DAB1: variants seen among roughly 807,000 people sequenced by gnomAD.
DAB1 encodes DAB adaptor protein 1, also known as disabled homolog 1.
In DAB1, 15 loss-of-function variants were observed where a neutral mutation model predicts 64.6. The observed-to-expected ratio is 0.23, with a 90% CI of 0.16 to 0.36. The LOEUF is 0.36. DAB1 is among the 10% of genes least tolerant of loss of function. The pLI is 1.00. For synonymous variants in DAB1, 235 were observed against 251.9 expected (o/e 0.93, Z 0.64); for missense variants, 596 against 706.7 (o/e 0.84, Z 1.78).
intron 7 of DAB1, among the ~76,000 whole-genome samples, chr1:57,430,650 C>T (rs1685470451): frequency 6.6e-6 from 1 of 151,856 alleles, no homozygotes; most frequent in Non-Finnish European, 1.5e-5. Context: ...GTGCTGGGTA[C>T]AGTTAATACA....
intron 13 of DAB1, 152 bp from the exon 14 acceptor site, chr1:57,010,942 G>A (rs1237858907): frequency 1.7e-5 from 15 of 881,460 alleles, no homozygotes; most frequent in Non-Finnish European, 2.6e-5. Context: ...ATGTGGACTT[G>A]TAGTAACAAT....
At chr1:58,438,178 C>T (rs1404644775) in intron 3 of DAB1, among the ~76,000 whole-genome samples, 4 of 152,190 alleles carry the variant, frequency 2.6e-5, no homozygotes, top group Admixed American at 2.0e-4. Flanking sequence ...CCACTCTTTT[C>T]GTTCCAGCTA....
chr1:58,065,281 G>T (rs1323126697), intron 5 of DAB1, among the ~76,000 whole-genome samples: 2 of 152,108 alleles, frequency 1.3e-5, no homozygotes, highest in Non-Finnish European at 2.9e-5. Context: ...AATGCAGGGT[G>T]AATTTAACCA....
intron 6 of DAB1, among the ~76,000 whole-genome samples, chr1:57,762,494 T>C (rs1289883623): frequency 6.6e-6 from 1 of 152,130 alleles, no homozygotes; most frequent in East Asian, 1.9e-4. Context: ...TTTCTCCTGA[T>C]AGGAGCATTA....
chr1:57,220,730 A>G (rs912706436), intron 2 of DAB1, among the ~76,000 whole-genome samples: 1 of 152,222 alleles, frequency 6.6e-6, no homozygotes, highest in Non-Finnish European at 1.5e-5. Context: ...TAGAATGGCG[A>G]TCATTAAAAA....
chr1:58,049,854 T>C (rs980754849), intron 5 of DAB1, among the ~76,000 whole-genome samples: 12 of 151,674 alleles, frequency 7.9e-5, no homozygotes, highest in African/African-American at 2.7e-4. Flanking sequence ...GTGAACAAAA[T>C]AGAATCCACC....
At chr1:57,897,455 A>G (rs1644408016) in intron 5 of DAB1, among the ~76,000 whole-genome samples, 1 of 152,188 alleles carries the variant, frequency 6.6e-6, no homozygotes, top group Non-Finnish European at 1.5e-5. Context: ...TGATTTCACA[A>G]AATTTTCAGT....
rs565601801 is a variant in DAB1, at chr1:57,836,373, T to C, written n.88-9918A>G. ...CAAAGACTATTTTCAATATCTGGCA[T>C]GTCAAGTAAAATAACTTGACTCGAG... On this transcript the variant is annotated intron_variant and non_coding_transcript_variant, in intron 1 of 1. Coordinates refer to the DAB1 transcript ENST00000477280. Among the ~76,000 whole-genome samples, 6 of 152,354 alleles carry C rather than the reference T, an allele frequency of 3.9e-5. No individual in the cohort carries two copies. The South Asian group carries it at 1.2e-3, about 32-fold the overall frequency.
intron 3 of DAB1, among the ~76,000 whole-genome samples, chr1:58,429,627 G>A (rs1451700601): frequency 1.3e-5 from 2 of 152,176 alleles, no homozygotes; most frequent in African/African-American, 4.8e-5. Context: ...TGTGGAGGAA[G>A]TTTATAGATA....
intron 5 of DAB1, among the ~76,000 whole-genome samples, chr1:57,902,947 C>T (rs540712595): frequency 6.6e-6 from 1 of 152,154 alleles, no homozygotes; most frequent in Non-Finnish European, 1.5e-5. Flanking sequence ...GTTTAATGGA[C>T]TCACCATTCC....
intron 1 of DAB1, among the ~76,000 whole-genome samples, chr1:57,842,746 A>G (rs1444245262): frequency 2.6e-5 from 4 of 152,232 alleles, no homozygotes; most frequent in Non-Finnish European, 4.4e-5. Context: ...ATCCACTGGC[A>G]TGATCCAATC....
intron 1 of DAB1, among the ~76,000 whole-genome samples, chr1:57,391,853 T>A (rs1682402597): frequency 1.3e-5 from 2 of 151,612 alleles, no homozygotes; most frequent in East Asian, 3.9e-4. Context: ...AGCAATTTCA[T>A]GTTGCTGGAA....
At chr1:58,390,455 A>T (rs1023097334) in intron 3 of DAB1, among the ~76,000 whole-genome samples, 1 of 152,116 alleles carries the variant, frequency 6.6e-6, no homozygotes, top group African/African-American at 2.4e-5. Context: ...GCTGCTGTGG[A>T]CCTGTGTCTG....
rs1006878749 is a variant in DAB1, at chr1:57,079,492, G to A, written c.307-7078C>T. 1.2e-4 allele frequency among the ~76,000 whole-genome samples: 18 copies of A among 152,234 alleles called. 1 individual carries two copies. Among genetic ancestry groups the A allele is most frequent in the African/African-American group, 4.1e-4 (17 of 41,550 alleles). On this transcript the variant is annotated intron_variant, in intron 4 of 14. Transcript: ENST00000371236. ...ACTTATGCTGGCCTCTCCTCTGACA[G>A]TCACACCACAGGATGAAGAGATTGA... is the stretch of plus-strand genomic sequence containing the variant.
intron 3 of DAB1, among the ~76,000 whole-genome samples, chr1:58,493,495 C>T (rs2100384307): frequency 6.6e-6 from 1 of 151,720 alleles, no homozygotes; most frequent in Non-Finnish European, 1.5e-5. Flanking sequence ...TTGCAGATGA[C>T]ATGATTGTAT....
chr1:58,306,443 T>C (rs1662308770), intron 4 of DAB1, among the ~76,000 whole-genome samples: 1 of 152,198 alleles, frequency 6.6e-6, no homozygotes, highest in African/African-American at 2.4e-5. Context: ...TTTGAGTTGG[T>C]AGACAAATGC....
intron 5 of DAB1, chr1:58,048,528 T>C (rs2100520957): frequency 2.4e-6 from 3 of 1,272,742 alleles, no homozygotes; most frequent in Non-Finnish European, 3.4e-6. Context: ...CCAGGGCCAC[T>C]TCCTCCATAA....
At chr1:58,388,134 T>C (rs1421843349) in intron 3 of DAB1, among the ~76,000 whole-genome samples, 1 of 152,154 alleles carries the variant, frequency 6.6e-6, no homozygotes, top group African/African-American at 2.4e-5. Flanking sequence ...GGTAAGAAGA[T>C]CAGAAAGACA....
chr1:58,126,455 CT>C (rs113023484), intron 5 of DAB1, among the ~76,000 whole-genome samples: 201 of 146,716 alleles, frequency 1.4e-3, no homozygotes, highest in South Asian at 3.2e-3. Flanking sequence ...TTCTTTTTTT[CT>C]TTTTTTTTTT....
Sources: allele counts gnomAD v4.1 joint callset (sites outside exome capture counted in the v4.1 genomes callset), GRCh38; gene constraint gnomAD v4.1.1; transcripts MANE v1.5; gene names NCBI Gene and HGNC (gene_info 2026-07-23, HGNC 2026-07-21).